Variants in DZIP3 observed in about 807,000 individuals in gnomAD.
DZIP3 encodes DAZ interacting zinc finger protein 3.
A neutral mutation model predicts 162.0 loss-of-function variants in DZIP3; 118 were observed. The ratio of observed to expected loss-of-function variants is 0.73; its 90% CI spans 0.63 to 0.85. The LOEUF (loss-of-function observed/expected upper bound fraction) is 0.85. DZIP3 is among the 40% of genes least tolerant of loss of function. DZIP3 has a pLI of 0.00. For synonymous variants in DZIP3, 438 were observed against 458.6 expected (o/e 0.96, Z 0.57); for missense variants, 1,331 against 1,407.0 (o/e 0.95, Z 0.86).
At chr3:108,688,966 C>G in intron 31 of DZIP3, 42 bp downstream of exon 31, 1 of 1,530,524 alleles carries the variant, frequency 6.5e-7, no homozygotes, top group South Asian at 1.1e-5. Flanking sequence ...AAATGAGATT[C>G]ATACTGCCTT....
Position 108,672,562 on chromosome 3 carries a change from C to T in DZIP3, c.2495C>T (p.Ser832Phe), listed in dbSNP as rs377518183. 29 of 1,610,544 alleles carry T rather than the reference C, an allele frequency of 1.8e-5. No individual in the cohort carries two copies. Among genetic ancestry groups the T allele is most frequent in the Non-Finnish European group, 2.4e-5 (28 of 1,177,684 alleles). The change falls in exon 23 of 33, where the codon TCT becomes TTT. Residue 832 changes from serine to phenylalanine, a missense_variant and splice_region_variant. By Grantham distance (155) the Ser-to-Phe change is radical. Coordinates refer to ENST00000361582, the MANE Select transcript of DZIP3 (RefSeq NM_014648.4). The part of the protein sequence containing the change: ...NLKEQLSMKR[S>F]QWEMEKHNLE... Reference sequence around the variant, plus strand: ...TCTTTAATGATCATGTATTTCAGATCTCAGTGGGAAATGGAAAAACATAAT... The same window carrying T: ...TCTTTAATGATCATGTATTTCAGATTTCAGTGGGAAATGGAAAAACATAAT...
Position 108,637,514 on chromosome 3 carries a change from G to C in DZIP3, c.1030G>C (p.Asp344His). 6.2e-7 allele frequency: 1 copy of C among 1,610,772 alleles called. No homozygotes were observed. The highest frequency in any genetic ancestry group is 8.5e-7 in the Non-Finnish European group (1 of 1,178,776). ...VKILFEVVRK[D>H]EYITIENLGA... The stretch of plus-strand genomic sequence containing the variant: ...CTTGCAGTTTGAAGTTGTGAGAAAG[G>C]ATGAATATATCACCATTGAAAATTT... The change falls in exon 12 of 33, where the codon GAT (aspartate) becomes CAT (histidine). Residue 344 changes from aspartate to histidine, a missense_variant. Physicochemically the swap from Asp to His is moderately conservative, Grantham distance 81. Transcript: ENST00000361582.
intron 26 of DZIP3, among the ~76,000 whole-genome samples, chr3:108,680,076 AT>A (rs918259604): frequency 6.6e-6 from 1 of 152,152 alleles, no homozygotes; most frequent in African/African-American, 2.4e-5. Context: ...CAGAAAAAGC[AT>A]TTGACAAAAT....
intron 12 of DZIP3, among the ~76,000 whole-genome samples, chr3:108,640,669 C>T (rs1479076985): frequency 6.6e-6 from 1 of 152,124 alleles, no homozygotes; most frequent in Non-Finnish European, 1.5e-5. Context: ...TGGTCTTCAT[C>T]TTCTGACCTC....
Position 108,616,559 on chromosome 3 carries a change from A to G in DZIP3, c.277A>G (p.Ser93Gly), listed in dbSNP as rs759351599. 8 of 1,609,620 alleles carry G rather than the reference A, an allele frequency of 5.0e-6. No individual in the cohort carries two copies. Among genetic ancestry groups the G allele is most frequent in the African/African-American group, 1.3e-5 (1 of 74,576 alleles). The change falls in exon 5 of 33, where the codon AGC (serine) becomes GGC (glycine). Residue 93 changes from serine to glycine, a missense_variant. By Grantham distance (56) the Ser-to-Gly change is moderately conservative. Coordinates refer to ENST00000361582, the MANE Select transcript of DZIP3 (RefSeq NM_014648.4). Reference protein sequence around the residue: ...QTMQREVAANSQNGEEIVPAL... With the variant: ...QTMQREVAANGQNGEEIVPAL... ...TCCACAGAGAGAAGTTGCAGCTAAC[A>G]GCCAGAATGGTGAGGAAATTGTTCC...
At position 108,689,003 on chromosome 3, in the gene DZIP3, A is replaced by G. The variant is rs149808014; in HGVS notation, c.3516+79A>G. On this transcript the variant is annotated intron_variant, in intron 31 of 32. Coordinates refer to ENST00000361582, the MANE Select transcript of DZIP3 (RefSeq NM_014648.4). ...CTTATTATCATATACATGTATCATT[A>G]TCCATTGTTGTCTCACAAGTTCCAC... 3.0e-6 allele frequency: 4 copies of G among 1,350,396 alleles called. No individual in the cohort carries two copies. In the Admixed American group the frequency reaches 7.3e-5, roughly 25 times the overall value. The allele number at this position is 1,350,396 out of a possible 1,614,324, so 83.7% of individuals were successfully genotyped here.
chr3:108,622,738 G>A (rs182898600), intron 5 of DZIP3, among the ~76,000 whole-genome samples: 181 of 152,098 alleles, frequency 1.2e-3, no homozygotes, highest in African/African-American at 4.2e-3. Flanking sequence ...GATTCATAGA[G>A]GTACCATCTT....
chr3:108,593,085 T>C (rs1035046201), intron 1 of DZIP3, among the ~76,000 whole-genome samples: 1 of 152,270 alleles, frequency 6.6e-6, no homozygotes, highest in Non-Finnish European at 1.5e-5. Flanking sequence ...CTAAAAAATG[T>C]CTGCCAAAAA....
intron 19 of DZIP3, among the ~76,000 whole-genome samples, chr3:108,657,722 A>T (rs1193762674): frequency 6.6e-6 from 1 of 152,206 alleles, no homozygotes; most frequent in Admixed American, 6.5e-5. Context: ...AAGATCCATC[A>T]GTGTGCTGTA....
At chr3:108,649,844 A>G (rs1159343419) in intron 17 of DZIP3, among the ~76,000 whole-genome samples, 1 of 151,894 alleles carries the variant, frequency 6.6e-6, no homozygotes, top group Admixed American at 6.6e-5. Flanking sequence ...TATATTTAAC[A>G]ATCATTTGTT....
chr3:108,665,629 C>T (rs751364894), intron 21 of DZIP3, among the ~76,000 whole-genome samples: 8 of 151,980 alleles, frequency 5.3e-5, no homozygotes, highest in African/African-American at 1.4e-4. Context: ...AAGTGAACCC[C>T]GAATAGCAAA....
At chr3:108,675,593 T>C (rs1359755316) in intron 24 of DZIP3, among the ~76,000 whole-genome samples, 193 bp from the exon 25 acceptor site, 14 of 152,076 alleles carry the variant, frequency 9.2e-5, no homozygotes, top group African/African-American at 3.1e-4. Context: ...AAATGAATTT[T>C]TTATTACTGT....
At chr3:108,620,188 C>T (rs1202271184) in intron 5 of DZIP3, among the ~76,000 whole-genome samples, 1 of 152,168 alleles carries the variant, frequency 6.6e-6, no homozygotes, top group East Asian at 1.9e-4. Context: ...GAAAATGTAG[C>T]AACATCCACA....
chr3:108,657,898 T>G (rs955099615), intron 19 of DZIP3, among the ~76,000 whole-genome samples: 1 of 152,054 alleles, frequency 6.6e-6, no homozygotes, highest in East Asian at 1.9e-4. Flanking sequence ...AAAGAAGGTC[T>G]TTACATAATG....
At chr3:108,663,556 CAA>C (rs200932139) in intron 21 of DZIP3, among the ~76,000 whole-genome samples, 32 of 104,558 alleles carry the variant, frequency 3.1e-4, no homozygotes, top group Admixed American at 6.7e-4. Context: ...AAGTCTGTCT[CAA>C]AAAAAAAAAA....
At chr3:108,653,575 TTAG>T in intron 18 of DZIP3, among the ~76,000 whole-genome samples, 1 of 148,286 alleles carries the variant, frequency 6.7e-6, no homozygotes, top group South Asian at 2.1e-4. Context: ...GTGGTCTCTG[TTAG>T]TAGTGTAGTT....
chr3:108,631,049 A>ACTCTCT (rs1454927812), intron 8 of DZIP3, among the ~76,000 whole-genome samples: 76 of 55,520 alleles, frequency 1.4e-3, no homozygotes, highest in Admixed American at 2.1e-3. Flanking sequence ...ACACACACAC[A>ACTCTCT]CACACACTCT....
intron 6 of DZIP3, among the ~76,000 whole-genome samples, chr3:108,625,511 C>T (rs1449933204): frequency 1.3e-5 from 2 of 152,214 alleles, no homozygotes; most frequent in African/African-American, 4.8e-5. Context: ...CCTCCTGCTT[C>T]AGCCTGCTAA....
Position 108,631,255 on chromosome 3 carries a change from C to T in DZIP3, c.697-1698C>T, listed in dbSNP as rs529533160. 2.0e-5 allele frequency among the ~76,000 whole-genome samples: 3 copies of T among 152,018 alleles called. No individual in the cohort carries two copies. The South Asian group carries it at 6.2e-4, about 32-fold the overall frequency. ...GCTTCCTTGTTTTGGTGGTGCAACT[C>T]CTCTATTCTCTAGCAGCTTCCCGTA... On this transcript the variant is annotated intron_variant, in intron 8 of 32. Coordinates refer to ENST00000361582, the MANE Select transcript of DZIP3 (RefSeq NM_014648.4).
Sources: gnomAD v4.1 joint callset for allele counts (sites outside exome capture counted in the v4.1 genomes callset) on GRCh38, gnomAD v4.1.1 for gene constraint, MANE v1.5 for transcripts, NCBI Gene and HGNC (gene_info 2026-07-23, HGNC 2026-07-21) for gene names.